The following EML6 variants were observed in gnomAD, a reference collection of about 807,000 sequenced individuals.
EML6 encodes the protein echinoderm microtubule-associated protein-like 6.
In EML6, 154 loss-of-function variants were observed where a neutral mutation model predicts 240.1. The ratio of observed to expected loss-of-function variants is 0.64; its 90% confidence interval spans 0.56 to 0.73. EML6 has a LOEUF of 0.73. Ranked by LOEUF, EML6 falls within the 30% of genes least tolerant of loss-of-function variation. The pLI is 0.00. For missense variants in EML6, 2,964 were observed against 2,474.6 expected, an observed-to-expected ratio of 1.20 and a Z score of -4.20; for synonymous variants, 1,148 against 899.0, an observed-to-expected ratio of 1.28 and a Z score of -4.95.
In EML6 at chr2:54,910,938, C is replaced by A. The variant is rs536626234; in HGVS notation, c.3410-16C>A. The A allele has an allele frequency of 1.2e-5, 17 of 1,402,496 alleles. No individual in the cohort carries two copies. Among genetic ancestry groups the A allele is most frequent in the Non-Finnish European group, 1.6e-5 (16 of 1,017,184 alleles). 86.9% of individuals were successfully genotyped at this position (1,402,496 alleles called of 1,614,324 possible). A position where few individuals can be genotyped will look rare whatever the true frequency, so the allele number is the denominator to read the frequency against. On this transcript the variant is annotated splice_polypyrimidine_tract_variant and intron_variant, in intron 24 of 41. Coordinates refer to ENST00000356458, the MANE Select transcript of EML6 (RefSeq NM_001039753.4). Reference sequence around the variant, plus strand: ...TCAGATTTTAATTATCTCTCTACTTCGTTCTGTCGTAACAGGAAAATTATT... The same window carrying A: ...TCAGATTTTAATTATCTCTCTACTTAGTTCTGTCGTAACAGGAAAATTATT...
chr2:54,929,159 A>G (rs755229), intron 28 of EML6, among the ~76,000 whole-genome samples: 77,456 of 152,042 alleles, frequency 0.51, 20,034 homozygotes, highest in South Asian at 0.65. Context: ...GTGAAAAACC[A>G]TCTTCCATTC....
intron 16 of EML6, among the ~76,000 whole-genome samples, chr2:54,877,627 A>G (rs1573050625): frequency 6.6e-6 from 1 of 152,368 alleles, no homozygotes; most frequent in South Asian, 2.1e-4. Context: ...CCTAAATGCT[A>G]AAGAGGGACC....
At position 54,846,923 on chromosome 2, in the gene EML6, A is replaced by ATTTTTTTTTTTTTTTTTT. The variant is rs34352060; in HGVS notation, c.1050-550_1050-549insTTTTTTTTTTTTTTTTTT. Among the ~76,000 whole-genome samples the ATTTTTTTTTTTTTTTTTT allele has an allele frequency of 8.4e-3, 1,090 of 129,532 alleles. 74 individuals are homozygous for ATTTTTTTTTTTTTTTTTT. The highest frequency in any genetic ancestry group is 0.033 in the East Asian group (124 of 3,714). 85.0% of individuals were successfully genotyped at this position (129,532 alleles called of 152,430 possible). On this transcript the variant is annotated intron_variant, in intron 8 of 41. Transcript: ENST00000356458. ...AAAGTAATATTTTGTATGAAGTAGTATTTTTTTTTTTTTGGAGACAGGGCC... is the reference window on the plus strand; with the variant it reads ...AAAGTAATATTTTGTATGAAGTAGTATTTTTTTTTTTTTTTTTTTTTTTTTTTTTTTGGAGACAGGGCC...
chr2:54,928,471 G>A lies in EML6; in HGVS notation c.3834G>A (p.Leu1278=), dbSNP rs1477830541. Residue 1278 remains leucine, a synonymous_variant, in exon 27 of 42, where the codon CTG becomes CTA. Coordinates refer to ENST00000356458, the MANE Select transcript of EML6 (RefSeq NM_001039753.4). ...REFVGTQESK[L]VDSEESDTDV... ...TTGTGGGGACCCAGGAGAGCAAGCT[G>A]GTGGACAGCGAGGAGTCAGACACCG... 11 of 1,549,174 alleles carry A rather than the reference G, an allele frequency of 7.1e-6. No homozygotes were observed. The highest frequency in any genetic ancestry group is 2.4e-5 in the East Asian group (1 of 40,868).
chr2:54,926,567 C>T (rs892267249), intron 26 of EML6, among the ~76,000 whole-genome samples: 3 of 152,254 alleles, frequency 2.0e-5, no homozygotes, highest in Admixed American at 6.5e-5. Context: ...ACGTTTCCTC[C>T]GTAGGCCCTG....
In EML6 at chr2:54,891,096, C is replaced by A; in HGVS notation, c.2481C>A (p.His827Gln). ...DKIFVVKCNP[H>Q]HVDKLVTVGI... ...TATTTGTGGTAAAGTGTAACCCACA[C>A]CATGTTGACAAACTGGTTACAGTTG... The change falls in exon 18 of 42, where the codon CAC becomes CAA. Residue 827 changes from histidine (H) to glutamine (Q), a missense_variant. Transcript: ENST00000356458. 1 of 1,510,224 alleles carries A rather than the reference C, an allele frequency of 6.6e-7. No individual in the cohort carries two copies. The allele number at this position is 1,510,224 out of a possible 1,614,324, so 93.6% of individuals were successfully genotyped here. A position where few individuals can be genotyped will look rare whatever the true frequency, so the allele number is the denominator to read the frequency against.
chr2:54,752,883 G>C (rs188851730), intron 2 of EML6, among the ~76,000 whole-genome samples: 13 of 152,308 alleles, frequency 8.5e-5, no homozygotes, highest in African/African-American at 3.1e-4. Flanking sequence ...CTGCCTCCCA[G>C]GTTCAAGCGA....
chr2:54,784,286 T>C (rs566103798), intron 2 of EML6, among the ~76,000 whole-genome samples: 20 of 152,308 alleles, frequency 1.3e-4, no homozygotes, highest in African/African-American at 4.6e-4. Context: ...AAGTTGTAAA[T>C]TTTTAAATCA....
At chr2:54,742,352 A>G (rs1683686248) in intron 2 of EML6, among the ~76,000 whole-genome samples, 1 of 152,172 alleles carries the variant, frequency 6.6e-6, no homozygotes, top group Non-Finnish European at 1.5e-5. Context: ...TACTGCCCAC[A>G]GCCTTGCTGC....
At chr2:54,730,014 T>TGAC (rs1039071623) in intron 2 of EML6, among the ~76,000 whole-genome samples, 1 of 152,140 alleles carries the variant, frequency 6.6e-6, no homozygotes, top group African/African-American at 2.4e-5. Context: ...CAGGTGCCTG[T>TGAC]GGTCCCTGAT....
intron 7 of EML6, among the ~76,000 whole-genome samples, chr2:54,836,950 A>T (rs1216990831): frequency 6.6e-6 from 1 of 152,172 alleles, no homozygotes; most frequent in Non-Finnish European, 1.5e-5. Context: ...TCCTGTGCCC[A>T]GGATCCAGGC....
rs754879937 is a variant in EML6, at chr2:54,964,615, A to C, written c.5375A>C (p.His1792Pro). The change falls in exon 38 of 42, where the codon CAC (histidine) becomes CCC (proline). Residue 1792 changes from histidine to proline, a missense_variant. Transcript: ENST00000356458. ...NRFLAVGSSE[H>P]TVDFYDLTQG... is the part of the protein sequence containing the mutation. The stretch of plus-strand genomic sequence containing the variant: ...TTCTTAGCCGTTGGTTCTTCTGAAC[A>C]CACAGTTGACTTCTATGACCTCACT... The C allele has an allele frequency of 5.8e-6, 9 of 1,552,328 alleles. 2 individuals carry two copies. The highest frequency in any genetic ancestry group is 3.3e-4 in the Middle Eastern group (2 of 6,020).
Position 54,955,346 on chromosome 2 carries a change from C to T in EML6, c.4486+1190C>T, listed in dbSNP as rs553659923. 3.3e-4 allele frequency among the ~76,000 whole-genome samples: 50 copies of T among 152,126 alleles called. 2 individuals carry two copies. The highest frequency in any genetic ancestry group is 1.0e-4 in the Non-Finnish European group (7 of 68,030). On this transcript the variant is annotated intron_variant, in intron 32 of 41. Coordinates refer to ENST00000356458, the MANE Select transcript of EML6 (RefSeq NM_001039753.4). ...AAGACTTCCTGCAGTTAGGACCCAT[C>T]CTAAGGAGAAATTCCTTCAAATGCA... is the stretch of plus-strand genomic sequence containing the variant.
At chr2:54,771,615 AATG>A (rs1282040256) in intron 2 of EML6, among the ~76,000 whole-genome samples, 4 of 152,216 alleles carry the variant, frequency 2.6e-5, no homozygotes, top group African/African-American at 9.6e-5. Flanking sequence ...CCTTCTATAA[AATG>A]GTAGCTATCA....
intron 26 of EML6, among the ~76,000 whole-genome samples, chr2:54,926,608 C>T (rs1282232520): frequency 1.3e-5 from 2 of 152,248 alleles, no homozygotes; most frequent in African/African-American, 4.8e-5. Context: ...CTGCCAGTGT[C>T]TTTCTCTTGA....
chr2:54,890,562 G>A (rs1672411170), intron 17 of EML6, among the ~76,000 whole-genome samples: 1 of 152,086 alleles, frequency 6.6e-6, no homozygotes, highest in South Asian at 2.1e-4. Flanking sequence ...TGGGTCCAGG[G>A]CTTCAACTTC....
intron 13 of EML6, 27 bp downstream of exon 13, chr2:54,863,916 T>C (rs1288347210): frequency 7.9e-7 from 1 of 1,272,310 alleles, no homozygotes; most frequent in African/African-American, 1.5e-5. Flanking sequence ...CAATGAAAAT[T>C]TGTAACCCCA....
chr2:54,958,025 A>G, intron 33 of EML6, 27 bp downstream of exon 33: 3 of 1,530,976 alleles, frequency 2.0e-6, no homozygotes, highest in Middle Eastern at 3.4e-4. Flanking sequence ...ACTCCCTGAG[A>G]AGGGGACCCA....
At chr2:54,745,090 G>T (rs141288420) in intron 2 of EML6, among the ~76,000 whole-genome samples, 2 of 152,146 alleles carry the variant, frequency 1.3e-5, no homozygotes, top group Admixed American at 6.5e-5. Context: ...TGCTGGAGGC[G>T]AGTCTTTAAG....
Sources: allele counts gnomAD v4.1 joint callset (sites outside exome capture counted in the v4.1 genomes callset), GRCh38; gene constraint gnomAD v4.1.1; transcripts MANE v1.5; gene names NCBI Gene and HGNC (gene_info 2026-07-23, HGNC 2026-07-21).